WFDC1: variants seen among roughly 807,000 people sequenced by gnomAD.
The protein encoded by WFDC1 is WAP four-disulfide core domain protein 1.
A neutral mutation model predicts 32.9 loss-of-function variants in WFDC1; 39 were observed. The ratio of observed to expected loss-of-function variants is 1.19; its 90% confidence interval spans 0.92 to 1.55. WFDC1 has a LOEUF of 1.55. Among genes scored for constraint, WFDC1 ranks in the 40% most tolerant of loss-of-function variants. The probability of loss-of-function intolerance (pLI) is 0.00; values close to 1 mark genes in which losing one functional copy is unlikely to be tolerated. For synonymous variants in WFDC1, 184 were observed against 137.4 expected (o/e 1.34, Z -2.37); for missense variants, 386 against 309.5 (o/e 1.25, Z -1.85).
chr16:84,309,597 G>C (rs891089620), intron 1 of WFDC1, among the ~76,000 whole-genome samples: 2 of 152,066 alleles, frequency 1.3e-5, no homozygotes, highest in African/African-American at 2.4e-5. Context: ...GGGGTGGGAG[G>C]GGTGGTTAAG....
chr16:84,309,894 C>T (rs1907511993), intron 1 of WFDC1, among the ~76,000 whole-genome samples: 1 of 151,032 alleles, frequency 6.6e-6, no homozygotes, highest in Admixed American at 6.6e-5. Flanking sequence ...GTGTGATCTC[C>T]CTCTGCTCCC....
chr16:84,325,181 C>T (rs1250145152), intron 5 of WFDC1, among the ~76,000 whole-genome samples: 1 of 149,494 alleles, frequency 6.7e-6, no homozygotes, highest in Non-Finnish European at 1.5e-5. Context: ...CATCCTTTCA[C>T]TTATCCATCT....
chr16:84,305,894 T>C (rs1457600624), intron 1 of WFDC1, among the ~76,000 whole-genome samples: 2 of 151,942 alleles, frequency 1.3e-5, no homozygotes, highest in Non-Finnish European at 2.9e-5. Flanking sequence ...TCCCAGCTAC[T>C]TGGGAGGCTG....
At chr16:84,305,113 A>G (rs2151369815) in intron 1 of WFDC1, among the ~76,000 whole-genome samples, 1 of 152,302 alleles carries the variant, frequency 6.6e-6, no homozygotes, top group African/African-American at 2.4e-5. Context: ...GTGGGTTTAG[A>G]ATAGCAGCAG....
intron 1 of WFDC1, among the ~76,000 whole-genome samples, chr16:84,304,633 A>T (rs1417685177): frequency 1.3e-5 from 2 of 152,204 alleles, no homozygotes; most frequent in African/African-American, 4.8e-5. Flanking sequence ...CTTACTGTAC[A>T]ATCCCTGAGC....
rs1907555203 is a variant in WFDC1, at chr16:84,310,598, T to A, written c.145-2363T>A. On this transcript the variant is annotated intron_variant, in intron 1 of 6. Transcript: ENST00000219454. ...CCCTATTCTTCTCTCCAAAGGCACC[T>A]TTCCTAATGGTTTCTTGTGTGATCT... Among the ~76,000 whole-genome samples, 4 of 152,350 alleles carry A rather than the reference T, an allele frequency of 2.6e-5. No individual in the cohort carries two copies. The South Asian group carries it at 8.3e-4, about 32-fold the overall frequency.
At chr16:84,304,905 A>G (rs244840) in intron 1 of WFDC1, among the ~76,000 whole-genome samples, 151,461 of 152,262 alleles carry the variant, frequency 0.99, 75,336 homozygotes, top group Middle Eastern at 1. Flanking sequence ...GGAGGGGGAG[A>G]GAGCCCCTGG....
At chr16:84,312,698 C>G (rs564322093) in intron 1 of WFDC1, among the ~76,000 whole-genome samples, 33 of 152,136 alleles carry the variant, frequency 2.2e-4, no homozygotes, top group Non-Finnish European at 4.3e-4. Flanking sequence ...AAGTAATTGT[C>G]CTTCAGCAAA....
At chr16:84,320,884 G>C (rs1337631558) in intron 4 of WFDC1, among the ~76,000 whole-genome samples, 2 of 151,298 alleles carry the variant, frequency 1.3e-5, no homozygotes, top group Admixed American at 6.6e-5. Context: ...TTTCTGATTT[G>C]AGAATGTTTT....
At chr16:84,321,621 A>C (rs916477899) in intron 4 of WFDC1, among the ~76,000 whole-genome samples, 1 of 152,252 alleles carries the variant, frequency 6.6e-6, no homozygotes, top group Non-Finnish European at 1.5e-5. Context: ...GGTTCAAACC[A>C]GTTAAAAAAA....
intron 3 of WFDC1, chr16:84,319,096 T>G: frequency 2.7e-6 from 1 of 366,692 alleles, no homozygotes; most frequent in Non-Finnish European, 5.0e-6. Flanking sequence ...TGTAAATGTC[T>G]GTGTCCCCAT....
intron 1 of WFDC1, among the ~76,000 whole-genome samples, chr16:84,310,200 C>T (rs138270344): frequency 1.1e-3 from 162 of 151,656 alleles, no homozygotes; most frequent in African/African-American, 3.7e-3. Context: ...GGGTGTGGGA[C>T]ATAGAAGCGG....
chr16:84,320,826 T>G (rs1401920687), intron 4 of WFDC1, among the ~76,000 whole-genome samples: 1 of 152,010 alleles, frequency 6.6e-6, no homozygotes, highest in African/African-American at 2.4e-5. Context: ...TGACCCTATT[T>G]GCCGAAAGTA....
intron 2 of WFDC1, among the ~76,000 whole-genome samples, chr16:84,314,116 A>T (rs1196194862): frequency 6.6e-6 from 1 of 152,218 alleles, no homozygotes; most frequent in Non-Finnish European, 1.5e-5. Context: ...CAAAGTGCTC[A>T]GCACTGCGCG....
rs1201079599 is a variant in WFDC1, at chr16:84,326,967, G to A, written c.*15+12G>A. On this transcript the variant is annotated intron_variant, in intron 6 of 6. Coordinates refer to ENST00000219454, the MANE Select transcript of WFDC1 (RefSeq NM_021197.4). Reference sequence around the variant, plus strand: ...GCAACGGCAAGCAGGTGAGTGGGCAGAGAGCAAGAGTCATGGCCAGGGTAA... The same window carrying A: ...GCAACGGCAAGCAGGTGAGTGGGCAAAGAGCAAGAGTCATGGCCAGGGTAA... 6.2e-7 allele frequency: 1 copy of A among 1,613,854 alleles called. No individual in the cohort carries two copies. The highest frequency in any genetic ancestry group is 8.5e-7 in the Non-Finnish European group (1 of 1,179,800).
chr16:84,307,752 C>T (rs540050151), intron 1 of WFDC1, among the ~76,000 whole-genome samples: 13 of 152,312 alleles, frequency 8.5e-5, no homozygotes, highest in Admixed American at 1.3e-4. Flanking sequence ...CCGAAGGAGG[C>T]TGGGGCGCCT....
At chr16:84,322,192 A>C (rs944350645) in intron 4 of WFDC1, among the ~76,000 whole-genome samples, 1 of 46,550 alleles carries the variant, frequency 2.1e-5, no homozygotes, top group Non-Finnish European at 5.4e-5. Context: ...TGTGTGTGTG[A>C]GCTTCCCCTC....
chr16:84,313,325 G>A lies in WFDC1; in HGVS notation c.337+172G>A, dbSNP rs528145860. Reference sequence around the variant, plus strand: ...CGGGCGCTCCTTGAGCAGGCGTGGCGCTGCTGTGCAGCTGCTGTGTGTCCC... The same window carrying A: ...CGGGCGCTCCTTGAGCAGGCGTGGCACTGCTGTGCAGCTGCTGTGTGTCCC... On this transcript the variant is annotated intron_variant, in intron 2 of 6. Transcript: ENST00000219454. 1.1e-4 allele frequency among the ~76,000 whole-genome samples: 17 copies of A among 152,306 alleles called. No individual in the cohort carries two copies. In the East Asian group the frequency reaches 3.1e-3, roughly 28 times the overall value.
chr16:84,318,742 C>T (rs1264362687), intron 3 of WFDC1: 4 of 238,284 alleles, frequency 1.7e-5, no homozygotes, highest in African/African-American at 8.8e-5. Context: ...GAAGGAACAG[C>T]ATGCAGGTCG....
Sources: allele counts gnomAD v4.1 joint callset (sites outside exome capture counted in the v4.1 genomes callset), GRCh38; gene constraint gnomAD v4.1.1; transcripts MANE v1.5; gene names NCBI Gene and HGNC (gene_info 2026-07-23, HGNC 2026-07-21).